The following SNX7 variants were observed in gnomAD, a reference collection of about 807,000 sequenced individuals.
SNX7 encodes the protein sorting nexin 7, also known as sorting nexin-7.
Under a neutral mutation model 48.4 loss-of-function variants are expected in SNX7, and 35 were observed. The observed-to-expected ratio is 0.72, with a 90% CI of 0.55 to 0.96. SNX7 has a LOEUF of 0.96. Among genes scored for constraint, SNX7 ranks in the 40% least tolerant of loss-of-function variants. SNX7 has a pLI of 0.00. For missense variants in SNX7, 553 were observed against 548.9 expected, an observed-to-expected ratio of 1.01 and a Z score of -0.07; for synonymous variants, 190 against 190.2, an observed-to-expected ratio of 1.00 and a Z score of 0.01.
At chr1:98,694,557 A>G (rs1651338931) in intron 4 of SNX7, among the ~76,000 whole-genome samples, 1 of 144,570 alleles carries the variant, frequency 6.9e-6, no homozygotes, top group Middle Eastern at 3.5e-3. Flanking sequence ...TCAGACTTCC[A>G]GGATTCCAGT....
chr1:98,719,311 T>C (rs1652744468), intron 7 of SNX7, among the ~76,000 whole-genome samples: 1 of 152,124 alleles, frequency 6.6e-6, no homozygotes, highest in Non-Finnish European at 1.5e-5. Context: ...ACAGAAAAGC[T>C]ATTTACATTC....
chr1:98,684,241 T>C (rs2100938778), intron 1 of SNX7, among the ~76,000 whole-genome samples: 1 of 152,308 alleles, frequency 6.6e-6, no homozygotes, highest in South Asian at 2.1e-4. Flanking sequence ...AGTTGGCACA[T>C]TTCGTTTACC....
intron 4 of SNX7, among the ~76,000 whole-genome samples, chr1:98,693,047 C>T (rs769132452): frequency 9.2e-5 from 14 of 152,046 alleles, no homozygotes; most frequent in Non-Finnish European, 2.1e-4. Flanking sequence ...AAAAAGTCCA[C>T]ATGTGTGGAC....
chr1:98,731,449 G>A (rs552531387), intron 7 of SNX7, among the ~76,000 whole-genome samples: 5 of 152,112 alleles, frequency 3.3e-5, no homozygotes, highest in Admixed American at 2.0e-4. Flanking sequence ...TCATGTTGCC[G>A]TCTTTGTCTT....
intron 7 of SNX7, among the ~76,000 whole-genome samples, chr1:98,727,468 C>T (rs1393453375): frequency 6.6e-6 from 1 of 152,164 alleles, no homozygotes; most frequent in African/African-American, 2.4e-5. Context: ...TACCTCTTCT[C>T]CTCCAAATGA....
Position 98,691,094 on chromosome 1 carries a change from A to C in SNX7, c.383A>C (p.Asp128Ala), listed in dbSNP as rs888114721. The change falls in exon 3 of 9, where the codon GAC becomes GCC. Residue 128 changes from aspartate to alanine, a missense_variant. By Grantham distance (126) the Asp-to-Ala change is moderately radical. Coordinates refer to ENST00000306121, the MANE Select transcript of SNX7 (RefSeq NM_015976.5). Reference sequence around the variant, plus strand: ...CTTCAGACATCTCGTGGGGAATTTGACTCCAGTGAATTTGAAGTTAGGAGA... The same window carrying C: ...CTTCAGACATCTCGTGGGGAATTTGCCTCCAGTGAATTTGAAGTTAGGAGA... Reference protein sequence around the residue: ...IITKTSRGEFDSSEFEVRRRY... With the variant: ...IITKTSRGEFASSEFEVRRRY... The C allele has an allele frequency of 6.2e-7, 1 of 1,606,138 alleles. No individual in the cohort carries two copies.
chr1:98,692,875 T>A (rs1248957124), intron 4 of SNX7, among the ~76,000 whole-genome samples: 1 of 152,226 alleles, frequency 6.6e-6, no homozygotes, highest in African/African-American at 2.4e-5. Flanking sequence ...AATAGATTTA[T>A]ACACATTTTA....
chr1:98,748,058 C>G (rs933532193), intron 8 of SNX7, among the ~76,000 whole-genome samples: 1 of 149,312 alleles, frequency 6.7e-6, no homozygotes, highest in African/African-American at 2.5e-5. Context: ...CTCACTGCAA[C>G]CTCTGCCTCC....
intron 7 of SNX7, among the ~76,000 whole-genome samples, chr1:98,703,337 A>G (rs1490593495): frequency 1.3e-5 from 2 of 152,194 alleles, no homozygotes; most frequent in Non-Finnish European, 2.9e-5. Flanking sequence ...AAATACAAAG[A>G]GTCCTTGTGT....
chr1:98,671,021 A>T (rs905109055), intron 1 of SNX7, among the ~76,000 whole-genome samples: 1 of 152,100 alleles, frequency 6.6e-6, no homozygotes, highest in Non-Finnish European at 1.5e-5. Context: ...AGTTTTAAAG[A>T]TAAAGTTTTA....
At chr1:98,675,916 T>C (rs1245440641) in intron 1 of SNX7, among the ~76,000 whole-genome samples, 2 of 152,188 alleles carry the variant, frequency 1.3e-5, no homozygotes, top group African/African-American at 4.8e-5. Flanking sequence ...TCACTACGGT[T>C]CTTACTGTCT....
Position 98,698,803 on chromosome 1 carries a change from C to T in SNX7, c.936C>T (p.Cys312=). ...ATACTCTAAAGGATGTTGCCAGCTG[C>T]ATTGACAGATGCTGTAAGGCCACTG... The part of the protein sequence containing the change: ...LVDTLKDVAS[C]IDRCCKATEK... Residue 312 remains cysteine (C), a synonymous_variant, in exon 6 of 9, where the codon TGC becomes TGT. Transcript: ENST00000306121. The T allele has an allele frequency of 6.2e-7, 1 of 1,613,650 alleles. No individual in the cohort carries two copies. Among genetic ancestry groups the T allele is most frequent in the Non-Finnish European group, 8.5e-7 (1 of 1,179,786 alleles).
Position 98,685,205 on chromosome 1 carries a change from T to C in SNX7, c.363+138T>C, listed in dbSNP as rs1276383608. 8.3e-6 allele frequency: 4 copies of C among 479,848 alleles called. No homozygotes were observed. The East Asian group carries it at 1.4e-4, about 16-fold the overall frequency. 29.7% of individuals were successfully genotyped at this position (479,848 alleles called of 1,614,324 possible). ...CTTTTACTTTTTCAAACCTTTTGGC[T>C]AACACATTGCTTCTTATCTGCCCTT... On this transcript the variant is annotated intron_variant, in intron 2 of 8. Coordinates refer to ENST00000306121, the MANE Select transcript of SNX7 (RefSeq NM_015976.5).
At chr1:98,699,079 A>T (rs1221856617) in intron 6 of SNX7, among the ~76,000 whole-genome samples, 174 bp downstream of exon 6, 1 of 152,218 alleles carries the variant, frequency 6.6e-6, no homozygotes, top group Admixed American at 6.5e-5. Context: ...TGAAGGAAAG[A>T]ATCCGTTGTT....
intron 8 of SNX7, among the ~76,000 whole-genome samples, chr1:98,746,358 T>A (rs1265443192): frequency 6.6e-6 from 1 of 152,094 alleles, no homozygotes; most frequent in African/African-American, 2.4e-5. Context: ...GATGGCAACT[T>A]GATAGCCAGA....
chr1:98,696,740 T>A (rs1651478700), intron 5 of SNX7, among the ~76,000 whole-genome samples: 1 of 152,014 alleles, frequency 6.6e-6, no homozygotes. Flanking sequence ...CTTTTTTTTT[T>A]AACCTGAATA....
At chr1:98,679,503 A>G (rs1020037278) in intron 1 of SNX7, among the ~76,000 whole-genome samples, 3 of 152,116 alleles carry the variant, frequency 2.0e-5, no homozygotes, top group South Asian at 4.1e-4. Flanking sequence ...CATTAACTCA[A>G]AAGTCTGCAG....
At chr1:98,747,252 C>T (rs187769453) in intron 8 of SNX7, among the ~76,000 whole-genome samples, 3 of 152,220 alleles carry the variant, frequency 2.0e-5, no homozygotes, top group Admixed American at 6.5e-5. Context: ...TTCTACAGAA[C>T]ATAGTTTGGG....
At chr1:98,663,311 T>C (rs1320345507) in intron 1 of SNX7, among the ~76,000 whole-genome samples, 3 of 120,358 alleles carry the variant, frequency 2.5e-5, no homozygotes, top group Non-Finnish European at 4.8e-5. Flanking sequence ...TGGACCCATC[T>C]GGCCTCAAGG....
Sources: allele counts gnomAD v4.1 joint callset (sites outside exome capture counted in the v4.1 genomes callset), GRCh38; gene constraint gnomAD v4.1.1; transcripts MANE v1.5; gene names NCBI Gene and HGNC (gene_info 2026-07-23, HGNC 2026-07-21).